The following WDR19 variants were observed in gnomAD, a reference collection of about 807,000 sequenced individuals.
WDR19 encodes the protein WD repeat-containing protein 19.
WDR19 carries 121 observed loss-of-function variants against 180.0 expected under a neutral mutation model. That is an observed-to-expected ratio of 0.67 (90% CI 0.58 to 0.78). The LOEUF (loss-of-function observed/expected upper bound fraction) is 0.78. WDR19 is among the 30% of genes least tolerant of loss of function. The probability of loss-of-function intolerance (pLI) is 0.00; values close to 1 mark genes in which losing one functional copy is unlikely to be tolerated. For synonymous variants in WDR19, 497 were observed against 540.7 expected, an observed-to-expected ratio of 0.92 and a Z score of 1.12; for missense variants, 1,450 against 1,640.7, an observed-to-expected ratio of 0.88 and a Z score of 2.01.
chr4:39,241,362 G>A (rs144895572), intron 21 of WDR19, among the ~76,000 whole-genome samples: 29 of 152,024 alleles, frequency 1.9e-4, no homozygotes, highest in African/African-American at 5.5e-4. Context: ...CCGTGATGAC[G>A]GGTGCCTATA....
At chr4:39,271,004 C>T (rs1479487104) in intron 31 of WDR19, among the ~76,000 whole-genome samples, 2 of 151,660 alleles carry the variant, frequency 1.3e-5, no homozygotes, top group African/African-American at 4.8e-5. Context: ...AAGCAATTCC[C>T]CTGCCTCAGC....
At chr4:39,203,815 A>G in intron 7 of WDR19, 93 bp downstream of exon 7, 1 of 1,191,298 alleles carries the variant, frequency 8.4e-7, no homozygotes, top group East Asian at 2.5e-5. Context: ...ATAGTGATAA[A>G]TAAATTAGGT....
chr4:39,205,152 A>G lies in WDR19; in HGVS notation c.604-2A>G. ...TCACAATCTCCTAATCTTTTCTGGCAGATAAGTGTGGTGCTTGGCAAGAAA... is the reference window on the plus strand; with the variant it reads ...TCACAATCTCCTAATCTTTTCTGGCGGATAAGTGTGGTGCTTGGCAAGAAA... On this transcript the variant is annotated splice_acceptor_variant, in intron 7 of 36. Transcript: ENST00000399820. LOFTEE classifies it high-confidence loss of function. 6.4e-7 allele frequency: 1 copy of G among 1,571,174 alleles called. No individual in the cohort carries two copies. Among genetic ancestry groups the G allele is most frequent in the Non-Finnish European group, 8.7e-7 (1 of 1,155,670 alleles).
At chr4:39,193,728 A>G (rs977228374) in intron 4 of WDR19, among the ~76,000 whole-genome samples, 2 of 152,116 alleles carry the variant, frequency 1.3e-5, no homozygotes, top group African/African-American at 4.8e-5. Flanking sequence ...AAACCATACC[A>G]TGGTCTGTCA....
intron 9 of WDR19, among the ~76,000 whole-genome samples, chr4:39,210,175 G>A (rs552613526): frequency 2.7e-4 from 41 of 152,100 alleles, no homozygotes; most frequent in Middle Eastern, 3.4e-3. Context: ...TATTTTATAA[G>A]GCTAGTATTA....
chr4:39,251,356 T>C (rs1259877198), intron 24 of WDR19, among the ~76,000 whole-genome samples: 1 of 152,146 alleles, frequency 6.6e-6, no homozygotes, highest in Non-Finnish European at 1.5e-5. Flanking sequence ...ATACAAAAAT[T>C]AATTCAAGAT....
At chr4:39,238,921 A>C (rs1200390641) in intron 20 of WDR19, among the ~76,000 whole-genome samples, 1 of 152,186 alleles carries the variant, frequency 6.6e-6, no homozygotes, top group Non-Finnish European at 1.5e-5. Flanking sequence ...TGAAATAATA[A>C]AAGTCTTCTG....
chr4:39,222,656 T>C (rs916098592), intron 14 of WDR19, among the ~76,000 whole-genome samples: 4 of 152,230 alleles, frequency 2.6e-5, no homozygotes, highest in African/African-American at 9.6e-5. Flanking sequence ...AAGATTATCC[T>C]TCTCTATCTT....
chr4:39,232,042 T>TA, intron 18 of WDR19, 86 bp downstream of exon 18: 1 of 1,551,430 alleles, frequency 6.4e-7, no homozygotes, highest in South Asian at 1.1e-5. Context: ...CATTTAATCT[T>TA]ACCTCTTAAA....
intron 1 of WDR19, among the ~76,000 whole-genome samples, chr4:39,184,169 C>T (rs1424554315): frequency 1.3e-5 from 2 of 151,970 alleles, no homozygotes; most frequent in Non-Finnish European, 2.9e-5. Flanking sequence ...CACTTTGGGA[C>T]GCCGAGGCAG....
intron 26 of WDR19, among the ~76,000 whole-genome samples, chr4:39,255,378 C>T (rs1249284483): frequency 1.3e-5 from 2 of 152,154 alleles, no homozygotes; most frequent in Non-Finnish European, 2.9e-5. Context: ...TGGGCCCCAA[C>T]TCCCACGGGT....
chr4:39,190,058 A>G (rs1486846164), intron 4 of WDR19, among the ~76,000 whole-genome samples: 1 of 152,256 alleles, frequency 6.6e-6, no homozygotes, highest in Non-Finnish European at 1.5e-5. Flanking sequence ...GGGCTTGACC[A>G]TAGGCATGGC....
At chr4:39,195,383 A>C (rs73238550) in intron 5 of WDR19, among the ~76,000 whole-genome samples, 68,172 of 132,142 alleles carry the variant, frequency 0.52, 19,147 homozygotes, top group South Asian at 0.66. Context: ...AAAAAACAAA[A>C]AAACAAACAA....
At chr4:39,284,770 TATCA>T (rs770493868) in intron 36 of WDR19, among the ~76,000 whole-genome samples, 4 of 152,016 alleles carry the variant, frequency 2.6e-5, no homozygotes, top group Non-Finnish European at 5.9e-5. Flanking sequence ...CTCCAAACAC[TATCA>T]ATCAATCATG....
chr4:39,225,639 AATT>A (rs1250747300), intron 15 of WDR19, among the ~76,000 whole-genome samples: 9 of 152,162 alleles, frequency 5.9e-5, no homozygotes, highest in African/African-American at 2.2e-4. Context: ...TTTTTGGTCA[AATT>A]CACATAAGCT....
chr4:39,197,624 T>TAA (rs1286980156), intron 5 of WDR19, among the ~76,000 whole-genome samples: 1 of 151,754 alleles, frequency 6.6e-6, no homozygotes, highest in Non-Finnish European at 1.5e-5. Context: ...CCTTCAGAAA[T>TAA]ACCCATAGTG....
At chr4:39,204,685 C>A (rs1397893813) in intron 7 of WDR19, among the ~76,000 whole-genome samples, 1 of 152,162 alleles carries the variant, frequency 6.6e-6, no homozygotes, top group Non-Finnish European at 1.5e-5. Flanking sequence ...ACTAGTTTAG[C>A]CAACACTGAC....
chr4:39,185,955 G>GTGTGATCTTGGCT, intron 2 of WDR19, 138 bp downstream of exon 2: 2 of 699,702 alleles, frequency 2.9e-6, no homozygotes, highest in Non-Finnish European at 4.5e-6. Flanking sequence ...GAGTGCAGTG[G>GTGTGATCTTGGCT]CACGATCTCA....
chr4:39,267,890 T>C (rs894099710), intron 29 of WDR19, 105 bp from the exon 30 acceptor site: 14 of 1,028,382 alleles, frequency 1.4e-5, no homozygotes, highest in Non-Finnish European at 2.0e-5. Flanking sequence ...GCAATATCAA[T>C]TCTCAGTTAC....
Sources: allele counts gnomAD v4.1 joint callset (sites outside exome capture counted in the v4.1 genomes callset), GRCh38; gene constraint gnomAD v4.1.1; transcripts MANE v1.5; gene names NCBI Gene and HGNC (gene_info 2026-07-23, HGNC 2026-07-21).